IFRD1: variants seen among roughly 807,000 people sequenced by gnomAD.
IFRD1 encodes interferon related developmental regulator 1.
A neutral mutation model predicts 52.9 loss-of-function variants in IFRD1; 35 were observed. The ratio of observed to expected loss-of-function variants is 0.66; its 90% CI spans 0.51 to 0.88. IFRD1 has a LOEUF of 0.88. IFRD1 is among the 40% of genes least tolerant of loss of function. The pLI, the probability that IFRD1 is intolerant of heterozygous loss-of-function variation, is 0.00. For synonymous variants in IFRD1, 184 were observed against 188.4 expected, an observed-to-expected ratio of 0.98 and a Z score of 0.19; for missense variants, 517 against 550.8, an observed-to-expected ratio of 0.94 and a Z score of 0.61.
intron 1 of IFRD1, among the ~76,000 whole-genome samples, chr7:112,443,039 A>G (rs977331627): frequency 5.9e-5 from 9 of 152,172 alleles, no homozygotes; most frequent in African/African-American, 1.9e-4. Context: ...AATAGGTTCT[A>G]TCATTAATCA....
intron 1 of IFRD1, 43 bp downstream of exon 1, chr7:112,450,825 G>A: frequency 2.2e-6 from 3 of 1,388,270 alleles, no homozygotes; most frequent in Non-Finnish European, 3.1e-6. Context: ...TGCCGGCCAG[G>A]CTGGCGAGTC....
intron 1 of IFRD1, among the ~76,000 whole-genome samples, chr7:112,423,993 A>T (rs1402199343): frequency 6.6e-6 from 1 of 152,244 alleles, no homozygotes; most frequent in African/African-American, 2.4e-5. Context: ...GGGATCTGTT[A>T]TAAAGAAAGT....
At chr7:112,427,580 TTGA>T (rs920841427) in intron 1 of IFRD1, among the ~76,000 whole-genome samples, 1 of 152,236 alleles carries the variant, frequency 6.6e-6, no homozygotes, top group Non-Finnish European at 1.5e-5. Flanking sequence ...GAAACGTAAC[TTGA>T]TGATAAGTAG....
chr7:112,461,203 A>G (rs1233880391), intron 5 of IFRD1: 1 of 152,144 alleles, frequency 6.6e-6, no homozygotes, highest in African/African-American at 2.4e-5. Context: ...GAAGACAATT[A>G]TTTACATTTT....
rs568040793 is a variant in IFRD1 at position 112,466,216 on chromosome 7, T to C, written c.907-1765T>C. Reference sequence around the variant, plus strand: ...CTTTTGGAAGCTGTTTATGGACTTTTTTATTACGTGTTACATTTTATTTTC... The same window carrying C: ...CTTTTGGAAGCTGTTTATGGACTTTCTTATTACGTGTTACATTTTATTTTC... On this transcript the variant is annotated intron_variant, in intron 8 of 11. Coordinates refer to ENST00000403825, the MANE Select transcript of IFRD1 (RefSeq NM_001550.4). Among the ~76,000 whole-genome samples, 5 of 152,252 alleles carry C rather than the reference T, an allele frequency of 3.3e-5. No homozygotes were observed. In the South Asian group the frequency reaches 1.0e-3, roughly 32 times the overall value.
intron 8 of IFRD1, among the ~76,000 whole-genome samples, chr7:112,465,378 T>C (rs73201473): frequency 0.071 from 10,769 of 152,300 alleles, 547 homozygotes; most frequent in South Asian, 0.21. Flanking sequence ...CCTAAACTTT[T>C]CTGGAAATTT....
chr7:112,452,317 T>C, intron 1 of IFRD1: 1 of 316,512 alleles, frequency 3.2e-6, no homozygotes, highest in Non-Finnish European at 4.6e-6. Flanking sequence ...TGTGACACCA[T>C]TCCTGGCTAT....
chr7:112,458,965 A>G lies in IFRD1; in HGVS notation c.514A>G (p.Ile172Val), dbSNP rs150651401. The G allele has an allele frequency of 4.1e-4, 659 of 1,613,922 alleles. No homozygotes were observed. The highest frequency in any genetic ancestry group is 2.9e-3 in the African/African-American group (221 of 75,014). The change falls in exon 5 of 12, where the codon ATC (isoleucine) becomes GTC (valine). Residue 172 changes from isoleucine (I) to valine (V), a missense_variant. Transcript: ENST00000403825. Reference protein sequence around the residue: ...SEEILKTLGPILKKIICDGSA... With the variant: ...SEEILKTLGPVLKKIICDGSA... Reference sequence around the variant, plus strand: ...AGAGATTTTGAAAACTCTTGGACCAATCCTAAAGAAAATCATTTGTGATGG... The same window carrying G: ...AGAGATTTTGAAAACTCTTGGACCAGTCCTAAAGAAAATCATTTGTGATGG...
At chr7:112,427,377 C>T (rs751461972) in intron 1 of IFRD1, among the ~76,000 whole-genome samples, 14 of 152,178 alleles carry the variant, frequency 9.2e-5, no homozygotes, top group Admixed American at 2.6e-4. Flanking sequence ...GGTGGCAGGG[C>T]TAGCATGTTG....
chr7:112,435,083 C>T (rs1023658560), intron 1 of IFRD1, among the ~76,000 whole-genome samples: 2 of 152,210 alleles, frequency 1.3e-5, no homozygotes, highest in Admixed American at 6.5e-5. Flanking sequence ...ATATTATCCT[C>T]ATGATGCAAG....
At chr7:112,424,379 T>C (rs1372205456) in intron 1 of IFRD1, among the ~76,000 whole-genome samples, 3 of 151,992 alleles carry the variant, frequency 2.0e-5, no homozygotes, top group African/African-American at 7.2e-5. Context: ...GAGTGTCTGG[T>C]GAAGGGAAGG....
rs574598683 is a variant in IFRD1 at position 112,472,846 on chromosome 7, T to G, written c.1251T>G (p.Ile417Met). The G allele has an allele frequency of 6.2e-7, 1 of 1,612,236 alleles. No individual in the cohort carries two copies. Among genetic ancestry groups the G allele is most frequent in the Non-Finnish European group, 8.5e-7 (1 of 1,178,344 alleles). The change falls in exon 11 of 12, where the codon ATT becomes ATG. Residue 417 changes from isoleucine to methionine, a missense_variant. Coordinates refer to ENST00000403825, the MANE Select transcript of IFRD1 (RefSeq NM_001550.4). ...CTGCAACGCTTAAAACGATGAAGAT[T>G]TCTCGTTTCGAAAGGGTAGGTTTTG... Reference protein sequence around the residue: ...LDAATLKTMKISRFERHLYNS... With the variant: ...LDAATLKTMKMSRFERHLYNS...
rs1795899299 is a variant in IFRD1 at position 112,476,208 on chromosome 7, T to C, written c.*689T>C. The C allele has an allele frequency of 6.6e-6, 1 of 152,250 alleles. No homozygotes were observed. Among genetic ancestry groups the C allele is most frequent in the Admixed American group, 6.5e-5 (1 of 15,278 alleles). The allele number at this position is 152,250 out of a possible 1,614,324, so 9.4% of individuals were successfully genotyped here. A position where few individuals can be genotyped will look rare whatever the true frequency, so the allele number is the denominator to read the frequency against. Reference sequence around the variant, plus strand: ...CACACTGAAAGTGCTTCTCTTCTAATAGAAGAAATATTATTTATGGCTTTG... The same window carrying C: ...CACACTGAAAGTGCTTCTCTTCTAACAGAAGAAATATTATTTATGGCTTTG... On this transcript the variant is annotated 3_prime_UTR_variant, in exon 12 of 12. Transcript: ENST00000403825.
At chr7:112,452,858 A>G (rs573481856) in intron 1 of IFRD1, among the ~76,000 whole-genome samples, 100 of 152,362 alleles carry the variant, frequency 6.6e-4, no homozygotes, top group African/African-American at 2.1e-3. Flanking sequence ...TTAATTTATA[A>G]CACAATACAT....
At position 112,467,985 on chromosome 7, in the gene IFRD1, T is replaced by C. The variant is rs1795655325; in HGVS notation, c.911T>C (p.Phe304Ser). The C allele has an allele frequency of 1.9e-6, 3 of 1,613,936 alleles. No individual in the cohort carries two copies. The highest frequency in any genetic ancestry group is 2.5e-6 in the Non-Finnish European group (3 of 1,179,874). Residue 304 changes from phenylalanine to serine, a missense_variant, in exon 9 of 12, where the codon TTT becomes TCT. By Grantham distance (155) the Phe-to-Ser change is radical. Coordinates refer to ENST00000403825, the MANE Select transcript of IFRD1 (RefSeq NM_001550.4). Reference sequence around the variant, plus strand: ...AAAATTGCTTTTCTTGTCCAGGACTTTTTTTATGAAGACATGGAGTCCTTG... The same window carrying C: ...AAAATTGCTTTTCTTGTCCAGGACTCTTTTTATGAAGACATGGAGTCCTTG... The part of the protein sequence containing the change: ...FELARGIESD[F>S]FYEDMESLTQ...
chr7:112,450,615 C>T lies in IFRD1; in HGVS notation c.-74C>T, dbSNP rs1795129321. The T allele has an allele frequency of 8.3e-7, 1 of 1,204,060 alleles. No individual in the cohort carries two copies. The highest frequency in any genetic ancestry group is 1.7e-5 in the Admixed American group (1 of 58,690). 74.6% of individuals were successfully genotyped at this position (1,204,060 alleles called of 1,614,324 possible). ...CTCTCAGCCGCCCGCCGCACAGACGCACGAGTAAAAAGTGCAGCTCCATCG... is the reference window on the plus strand; with the variant it reads ...CTCTCAGCCGCCCGCCGCACAGACGTACGAGTAAAAAGTGCAGCTCCATCG... On this transcript the variant is annotated 5_prime_UTR_variant, in exon 1 of 12. Coordinates refer to ENST00000403825, the MANE Select transcript of IFRD1 (RefSeq NM_001550.4).
At chr7:112,443,585 A>G (rs144376738) in intron 1 of IFRD1, among the ~76,000 whole-genome samples, 453 of 141,472 alleles carry the variant, frequency 3.2e-3, no homozygotes, top group African/African-American at 0.011. Flanking sequence ...AAGCCCCCCA[A>G]AAACGGCCGA....
upstream of IFRD1, among the ~76,000 whole-genome samples, chr7:112,447,633 T>A (rs915401780): frequency 2.0e-5 from 3 of 152,230 alleles, no homozygotes; most frequent in Admixed American, 2.0e-4. Context: ...AAAGCCCTTT[T>A]TCCTGTTCCC....
chr7:112,449,848 G>A (rs967880947), upstream of IFRD1, among the ~76,000 whole-genome samples: 5 of 135,618 alleles, frequency 3.7e-5, no homozygotes, highest in African/African-American at 8.2e-5. Context: ...GGGATGGGGG[G>A]CACATAACCC....
Sources: allele counts gnomAD v4.1 joint callset (sites outside exome capture counted in the v4.1 genomes callset), GRCh38; gene constraint gnomAD v4.1.1; transcripts MANE v1.5; gene names NCBI Gene and HGNC (gene_info 2026-07-23, HGNC 2026-07-21).